Variants in GRIK4 observed in about 807,000 individuals in gnomAD.
GRIK4 encodes glutamate receptor ionotropic, kainate 4.
A neutral mutation model predicts 104.9 loss-of-function variants in GRIK4; 40 were observed. The ratio of observed to expected loss-of-function variants is 0.38; its 90% CI spans 0.30 to 0.50. The LOEUF (loss-of-function observed/expected upper bound fraction) is 0.50, where lower values mean the gene tolerates loss of function less well. Among genes scored for constraint, GRIK4 ranks in the 20% least tolerant of loss-of-function variants. GRIK4 has a pLI of 0.93. For synonymous variants in GRIK4, 485 were observed against 524.9 expected, an observed-to-expected ratio of 0.92 and a Z score of 1.04; for missense variants, 1,047 against 1,308.1, an observed-to-expected ratio of 0.80 and a Z score of 3.08.
chr11:120,761,770 A>G (rs1344139648), intron 3 of GRIK4, among the ~76,000 whole-genome samples: 1 of 151,960 alleles, frequency 6.6e-6, no homozygotes, highest in Non-Finnish European at 1.5e-5. Flanking sequence ...GATGTGTGGC[A>G]TGATTTCTGA....
At chr11:120,975,281 CCTCT>C (rs1240262343) in intron 19 of GRIK4, among the ~76,000 whole-genome samples, 9 of 152,118 alleles carry the variant, frequency 5.9e-5, no homozygotes, top group Admixed American at 5.9e-4. Flanking sequence ...GGGATGCTTC[CCTCT>C]CTCTTTCTTC....
Position 120,655,917 on chromosome 11 carries a change from T to C in GRIK4, c.-51+2125T>C, listed in dbSNP as rs200881216. 5.3e-5 allele frequency among the ~76,000 whole-genome samples: 8 copies of C among 152,066 alleles called. No homozygotes were observed. In the East Asian group the frequency reaches 1.4e-3, roughly 26 times the overall value. The stretch of plus-strand genomic sequence containing the variant: ...TGTGGCATGCTGTGGGATCCCCAGG[T>C]AGAGATGTCACCAGGCAGATGTGCG... On this transcript the variant is annotated intron_variant, in intron 2 of 20. Transcript: ENST00000527524.
At chr11:120,843,253 C>G (rs2135585497) in intron 8 of GRIK4, among the ~76,000 whole-genome samples, 1 of 152,370 alleles carries the variant, frequency 6.6e-6, no homozygotes, top group African/African-American at 2.4e-5. Flanking sequence ...AGGGCCAGAG[C>G]TCCCTGCTCT....
chr11:120,969,902 G>A (rs1944446598), intron 19 of GRIK4, among the ~76,000 whole-genome samples: 1 of 152,168 alleles, frequency 6.6e-6, no homozygotes, highest in Non-Finnish European at 1.5e-5. Context: ...CCTCACCACA[G>A]TGGGTTGAGG....
intron 3 of GRIK4, among the ~76,000 whole-genome samples, chr11:120,668,855 G>A (rs1949967316): frequency 6.6e-6 from 1 of 152,134 alleles, no homozygotes; most frequent in Non-Finnish European, 1.5e-5. Flanking sequence ...TCTATAACAT[G>A]GGCTAATAGT....
chr11:120,988,796 A>T lies in GRIK4; in HGVS notation c.*2536A>T, dbSNP rs1057259410. ...GAATATTTACAATAAAACAGAAACAAATCCTGAAATGTTAGTGATGGATGA... is the reference window on the plus strand; with the variant it reads ...GAATATTTACAATAAAACAGAAACATATCCTGAAATGTTAGTGATGGATGA... On this transcript the variant is annotated 3_prime_UTR_variant, in exon 21 of 21. Coordinates refer to ENST00000527524, the MANE Select transcript of GRIK4 (RefSeq NM_014619.5). The T allele has an allele frequency of 2.0e-5, 3 of 152,244 alleles. No individual in the cohort carries two copies. The highest frequency in any genetic ancestry group is 7.2e-5 in the African/African-American group (3 of 41,454). 9.4% of individuals were successfully genotyped at this position (152,244 alleles called of 1,614,324 possible).
chr11:120,952,903 G>T lies in GRIK4; in HGVS notation c.1639G>T (p.Val547Phe). The change falls in exon 15 of 21, where the codon GTC (valine) becomes TTC (phenylalanine). Residue 547 changes from valine (V) to phenylalanine (F), a missense_variant. By Grantham distance (50) the Val-to-Phe change is conservative. This residue lies in a region of GRIK4 where 440 missense variants were observed against 652.3 expected (regional missense o/e 0.67). Transcript: ENST00000527524. The surrounding 1 kb of genome is among the most constrained non-coding windows in gnomAD (Gnocchi z 5.2). ...CTTCCTGGACCCATTTTCTCCGGGC[G>T]TCTGGCTCTTCATGCTTCTAGCCTA... is the stretch of plus-strand genomic sequence containing the variant. ...FSFLDPFSPG[V>F]WLFMLLAYLA... The T allele has an allele frequency of 6.2e-7, 1 of 1,613,972 alleles. No individual in the cohort carries two copies. The highest frequency in any genetic ancestry group is 1.1e-5 in the South Asian group (1 of 91,068).
Position 120,911,615 on chromosome 11 carries a change from G to T in GRIK4, c.1476+6122G>T, listed in dbSNP as rs573432798. On this transcript the variant is annotated intron_variant, in intron 13 of 20. Coordinates refer to ENST00000527524, the MANE Select transcript of GRIK4 (RefSeq NM_014619.5). ...CCAGCACTTTGGGAGGCCGAGGCGG[G>T]TGGATCACCTGAGGTCAGGAGTTCA... Among the ~76,000 whole-genome samples the T allele has an allele frequency of 1.9e-4, 28 of 149,238 alleles. No homozygotes were observed. The East Asian group carries it at 5.6e-3, about 30-fold the overall frequency.
intron 3 of GRIK4, among the ~76,000 whole-genome samples, chr11:120,675,999 A>T (rs1187263405): frequency 1.3e-5 from 2 of 152,174 alleles, no homozygotes; most frequent in Non-Finnish European, 2.9e-5. Flanking sequence ...GTGGGGTTGC[A>T]TTCCTGTCTG....
intron 16 of GRIK4, among the ~76,000 whole-genome samples, chr11:120,957,360 A>G (rs891921869): frequency 6.8e-4 from 104 of 152,360 alleles, no homozygotes; most frequent in African/African-American, 2.2e-3. Flanking sequence ...TGGCTGCTAC[A>G]TCACATCCCC....
At chr11:120,764,922 C>T (rs569608546) in intron 3 of GRIK4, among the ~76,000 whole-genome samples, 129 of 152,120 alleles carry the variant, frequency 8.5e-4, no homozygotes, top group African/African-American at 2.7e-3. Context: ...GTAAATCTGA[C>T]GATTATGTGT....
rs1212651941 is a variant in GRIK4, at chr11:120,679,629, CACCCTCTGGACACATGAAGAGAGCAGGG to C, written c.82+19236_82+19263del. Among the ~76,000 whole-genome samples the C allele has an allele frequency of 2.0e-5, 3 of 152,176 alleles. No individual in the cohort carries two copies. The East Asian group carries it at 5.8e-4, about 29-fold the overall frequency. On this transcript the variant is annotated intron_variant, in intron 3 of 20. Coordinates refer to ENST00000527524, the MANE Select transcript of GRIK4 (RefSeq NM_014619.5). The stretch of plus-strand genomic sequence containing the variant: ...CCAAGATGGGAACCTGTAGTGTCTC[CACCCTCTGGACACATGAAGAGAGCAGGG>C]ACCCTCCTGGCAGGGAGGACTTGTC...
At chr11:120,619,937 A>G (rs1383509162) in intron 1 of GRIK4, 6 of 397,638 alleles carry the variant, frequency 1.5e-5, no homozygotes, top group East Asian at 3.9e-5. Context: ...TTATTTGACA[A>G]TCTAGGAAGT....
In GRIK4 at chr11:120,529,620, T is replaced by C. The variant is rs142135412; in HGVS notation, c.-159+17733T>C. On this transcript the variant is annotated intron_variant, in intron 1 of 20. Transcript: ENST00000527524. ...GTGGTGGGGGAAGTGGGAAAAGTGC[T>C]GTCTGTCACTTATCCTTCTGTGAAA... Among the ~76,000 whole-genome samples the C allele has an allele frequency of 2.0e-5, 3 of 152,378 alleles. No individual in the cohort carries two copies. The East Asian group carries it at 5.8e-4, about 29-fold the overall frequency.
At chr11:120,546,256 C>T (rs1948084578) in intron 1 of GRIK4, among the ~76,000 whole-genome samples, 2 of 152,182 alleles carry the variant, frequency 1.3e-5, no homozygotes, top group Admixed American at 1.3e-4. Context: ...CCCCCAGTTG[C>T]TGTGGGTTTG....
chr11:120,836,949 A>C (rs1205453189), intron 8 of GRIK4, 105 bp downstream of exon 8: 5 of 747,372 alleles, frequency 6.7e-6, no homozygotes, highest in Non-Finnish European at 1.2e-5. Context: ...TACAGGAGAT[A>C]GAAGCAGAGG....
At chr11:120,664,068 T>C (rs904235573) in intron 3 of GRIK4, among the ~76,000 whole-genome samples, 1 of 152,190 alleles carries the variant, frequency 6.6e-6, no homozygotes, top group African/African-American at 2.4e-5. Context: ...AAGAAGTATA[T>C]GGGTGCAGTT....
intron 3 of GRIK4, among the ~76,000 whole-genome samples, chr11:120,782,473 G>A (rs1467625598): frequency 6.6e-6 from 1 of 152,140 alleles, no homozygotes; most frequent in Admixed American, 6.5e-5. Flanking sequence ...TTTTAGTAGA[G>A]ACGGGGTTTC....
intron 1 of GRIK4, among the ~76,000 whole-genome samples, chr11:120,540,787 C>A (rs540745540): frequency 4.6e-5 from 7 of 151,948 alleles, no homozygotes. Flanking sequence ...TAGCTTGCAT[C>A]AGATTTTCAA....
Sources: gnomAD v4.1 joint callset for allele counts (sites outside exome capture counted in the v4.1 genomes callset) on GRCh38, gnomAD v4.1.1 for gene constraint, gnomAD v4.1.1 regional missense constraint, Gnocchi (gnomAD v3.1) non-coding constraint, MANE v1.5 for transcripts, NCBI Gene and HGNC (gene_info 2026-07-23, HGNC 2026-07-21) for gene names.